The following HFM1 variants were observed in gnomAD, a reference collection of about 807,000 sequenced individuals.
HFM1 encodes the protein helicase for meiosis 1.
Under a neutral mutation model 192.1 loss-of-function variants are expected in HFM1, and 169 were observed. The observed-to-expected ratio is 0.88, with a 90% CI of 0.78 to 1.00. The LOEUF (loss-of-function observed/expected upper bound fraction) is 1.00, where lower values mean the gene tolerates loss of function less well. Ranked by LOEUF, HFM1 falls within the 50% of genes least tolerant of loss-of-function variation. The pLI is 0.00. For missense variants in HFM1, 1,661 were observed against 1,668.0 expected, an observed-to-expected ratio of 1.00 and a Z score of 0.07; for synonymous variants, 525 against 537.8, an observed-to-expected ratio of 0.98 and a Z score of 0.33.
At chr1:91,353,992 G>A (rs1249969813) in intron 13 of HFM1, among the ~76,000 whole-genome samples, 1 of 148,998 alleles carries the variant, frequency 6.7e-6, no homozygotes, top group African/African-American at 2.4e-5. Context: ...TAATTCTCCA[G>A]TAACTGATTC....
chr1:91,352,134 G>A (rs990411465), intron 16 of HFM1, among the ~76,000 whole-genome samples: 3 of 151,458 alleles, frequency 2.0e-5, no homozygotes, highest in African/African-American at 7.3e-5. Flanking sequence ...TTTAGTGCTA[G>A]GACCTAGGGA....
intron 20 of HFM1, among the ~76,000 whole-genome samples, chr1:91,327,838 T>A (rs551452217): frequency 2.6e-5 from 4 of 152,208 alleles, no homozygotes; most frequent in Non-Finnish European, 5.9e-5. Context: ...TACAAATACA[T>A]GGAAATTAAA....
At chr1:91,300,032 G>T (rs550033142) in intron 30 of HFM1, among the ~76,000 whole-genome samples, 1 of 151,934 alleles carries the variant, frequency 6.6e-6, no homozygotes, top group Non-Finnish European at 1.5e-5. Context: ...TTGATAGACC[G>T]CTAGCAAGAC....
At chr1:91,388,797 A>C (rs1662560531) in intron 4 of HFM1, among the ~76,000 whole-genome samples, 1 of 618 alleles carries the variant, frequency 1.6e-3, no homozygotes, top group Admixed American at 0.028. Context: ...AAATTAGATA[A>C]ACTGGACTCT....
At chr1:91,293,730 C>A (rs1487909301) in intron 30 of HFM1, among the ~76,000 whole-genome samples, 4 of 151,332 alleles carry the variant, frequency 2.6e-5, no homozygotes, top group African/African-American at 9.7e-5. Flanking sequence ...AATCATGCTG[C>A]TATAAAGACA....
At chr1:91,399,983 C>T (rs750504025) in intron 2 of HFM1, among the ~76,000 whole-genome samples, 2 of 152,124 alleles carry the variant, frequency 1.3e-5, no homozygotes, top group African/African-American at 2.4e-5. Context: ...TTTACATGGT[C>T]CTATTACTTA....
intron 4 of HFM1, among the ~76,000 whole-genome samples, chr1:91,391,069 G>A (rs1021475245): frequency 6.6e-6 from 1 of 152,164 alleles, no homozygotes; most frequent in East Asian, 1.9e-4. Context: ...TCTTCAAGGA[G>A]AACTACAAAC....
At chr1:91,287,669 CTT>C (rs1668181360) in intron 30 of HFM1, among the ~76,000 whole-genome samples, 1 of 152,102 alleles carries the variant, frequency 6.6e-6, no homozygotes. Context: ...CGGAGAATGA[CTT>C]TGACGAGCTG....
In HFM1 at chr1:91,273,783, A is replaced by G. The variant is rs1421862147; in HGVS notation, c.3701T>C (p.Ile1234Thr). 2 of 1,596,084 alleles carry G rather than the reference A, an allele frequency of 1.3e-6. No homozygotes were observed. The highest frequency in any genetic ancestry group is 1.7e-6 in the Non-Finnish European group (2 of 1,165,154). Reference sequence around the variant, plus strand: ...TTCAGGCTGATCCCACTGCTCCATTATAGGCAATTCAGATATGTTTAAATA... The same window carrying G: ...TTCAGGCTGATCCCACTGCTCCATTGTAGGCAATTCAGATATGTTTAAATA... Reference protein sequence around the residue: ...SEYLNISELPIMEQWDQPEIY... With the variant: ...SEYLNISELPTMEQWDQPEIY... Residue 1234 changes from isoleucine to threonine, a missense_variant, in exon 34 of 39, where the codon ATA (isoleucine) becomes ACA (threonine). By Grantham distance (89) the Ile-to-Thr change is moderately conservative. Coordinates refer to ENST00000370425, the MANE Select transcript of HFM1 (RefSeq NM_001017975.6).
chr1:91,372,306 C>T (rs527706100), intron 13 of HFM1, among the ~76,000 whole-genome samples: 5 of 152,172 alleles, frequency 3.3e-5, no homozygotes, highest in Non-Finnish European at 5.9e-5. Context: ...TATTGAGGCA[C>T]TATTCACAAT....
In HFM1 at chr1:91,356,390, T is replaced by C. The variant is rs547405955; in HGVS notation, c.1686-3091A>G. ...TCCTGAGTAGCTGGGATTACAGGCATGTACCACCACGCCTGGCTAATTTTG... is the reference window on the plus strand; with the variant it reads ...TCCTGAGTAGCTGGGATTACAGGCACGTACCACCACGCCTGGCTAATTTTG... On this transcript the variant is annotated intron_variant, in intron 13 of 38. Coordinates refer to ENST00000370425, the MANE Select transcript of HFM1 (RefSeq NM_001017975.6). 3.3e-5 allele frequency among the ~76,000 whole-genome samples: 5 copies of C among 152,054 alleles called. No homozygotes were observed. In the East Asian group the frequency reaches 9.7e-4, roughly 29 times the overall value.
At position 91,378,407 on chromosome 1, in the gene HFM1, T is replaced by A. The variant is rs781654966; in HGVS notation, c.1232A>T (p.Asp411Val). The A allele has an allele frequency of 3.1e-6, 5 of 1,595,260 alleles. No individual in the cohort carries two copies. Among genetic ancestry groups the A allele is most frequent in the Non-Finnish European group, 1.7e-6 (2 of 1,165,266 alleles). ...LVQLVRLFLI[D>V]EVHIVKDENR... ...GAAAGCGAATGCATTCATTACCTCA[T>A]CAATGAGAAACAGTCGAACCAGCTG... The change falls in exon 10 of 39, where the codon GAT becomes GTT. Residue 411 changes from aspartate to valine, a missense_variant. Physicochemically the swap from Asp to Val is radical, Grantham distance 152 (BLOSUM62 -3). Coordinates refer to ENST00000370425, the MANE Select transcript of HFM1 (RefSeq NM_001017975.6).
In HFM1 at chr1:91,315,872, T is replaced by C. The variant is rs1651120155; in HGVS notation, c.3083A>G (p.Tyr1028Cys). Residue 1028 changes from tyrosine (Y) to cysteine (C), a missense_variant, in exon 28 of 39, where the codon TAT (tyrosine) becomes TGT (cysteine). Tyr to Cys is a radical substitution (Grantham distance 194). Transcript: ENST00000370425. ...TGCGTCACCTATGATTAAGGTAACATAGTGAGAATCCGATGCTGTTCTTTT... is the reference window on the plus strand; with the variant it reads ...TGCGTCACCTATGATTAAGGTAACACAGTGAGAATCCGATGCTGTTCTTTT... ...QTKRTASDSH[Y>C]VTLIIGDADN... The C allele has an allele frequency of 4.3e-6, 7 of 1,610,988 alleles. No homozygotes were observed. The highest frequency in any genetic ancestry group is 1.1e-5 in the South Asian group (1 of 90,956).
chr1:91,351,691 TAG>T, intron 16 of HFM1, 48 bp from the exon 17 acceptor site: 1 of 959,058 alleles, frequency 1.0e-6, no homozygotes, highest in Non-Finnish European at 1.6e-6. Flanking sequence ...CACATCTTGG[TAG>T]CAGTCCTCTT....
chr1:91,359,337 C>CA lies in HFM1; in HGVS notation c.1686-6039dup, dbSNP rs1344122338. Among the ~76,000 whole-genome samples, 13 of 151,224 alleles carry CA rather than the reference C, an allele frequency of 8.6e-5. No homozygotes were observed. In the South Asian group the frequency reaches 2.5e-3, roughly 29 times the overall value. ...TAAAGGAGCATGTTATAACCTAATG[C>CA]AAAAAAAGGTAAGAACCATGGTAAA... On this transcript the variant is annotated intron_variant, in intron 13 of 38. Transcript: ENST00000370425.
Position 91,313,467 on chromosome 1 carries a change from T to C in HFM1, c.3273A>G (p.Thr1091=). ...FVGLDIQQKL[T]VFYLEPKRFG... Reference sequence around the variant, plus strand: ...ACCTCTTGGGTTCTAAGTAAAAGACTGTAAGTTTCTGCTGAATATCAAGCC... The same window carrying C: ...ACCTCTTGGGTTCTAAGTAAAAGACCGTAAGTTTCTGCTGAATATCAAGCC... Residue 1091 remains threonine (T), a synonymous_variant, in exon 30 of 39, where the codon ACA becomes ACG. Coordinates refer to ENST00000370425, the MANE Select transcript of HFM1 (RefSeq NM_001017975.6). 4.4e-6 allele frequency: 7 copies of C among 1,591,094 alleles called. No homozygotes were observed. The highest frequency in any genetic ancestry group is 6.0e-6 in the Non-Finnish European group (7 of 1,169,536).
chr1:91,367,786 A>C (rs1000854596), intron 13 of HFM1, among the ~76,000 whole-genome samples: 3 of 152,214 alleles, frequency 2.0e-5, no homozygotes, highest in Non-Finnish European at 4.4e-5. Context: ...GGAAGGCTTC[A>C]GAAGATCAAA....
intron 13 of HFM1, among the ~76,000 whole-genome samples, chr1:91,362,272 A>G (rs1201439533): frequency 1.3e-4 from 20 of 152,210 alleles, no homozygotes; most frequent in Admixed American, 1.2e-3. Context: ...TGCAGATGAC[A>G]TGATCCTATA....
intron 6 of HFM1, among the ~76,000 whole-genome samples, chr1:91,384,561 T>C (rs938738431): frequency 6.6e-6 from 1 of 152,092 alleles, no homozygotes; most frequent in African/African-American, 2.4e-5. Flanking sequence ...TTCAACCCAA[T>C]TTGGCTGCTC....
Sources: allele counts gnomAD v4.1 joint callset (sites outside exome capture counted in the v4.1 genomes callset), GRCh38; gene constraint gnomAD v4.1.1; transcripts MANE v1.5; gene names NCBI Gene and HGNC (gene_info 2026-07-23, HGNC 2026-07-21).